PLCXD3: variants seen among roughly 807,000 people sequenced by gnomAD.
PLCXD3 encodes phosphatidylinositol specific phospholipase C X domain containing 3.
PLCXD3 carries 19 observed loss-of-function variants against 25.5 expected under a neutral mutation model. The observed-to-expected ratio is 0.75, with a 90% CI of 0.52 to 1.09. PLCXD3 has a LOEUF of 1.09. Ranked by LOEUF, PLCXD3 falls within the 50% of genes least tolerant of loss-of-function variation. PLCXD3 has a pLI of 0.00. For synonymous variants in PLCXD3, 174 were observed against 137.6 expected, an observed-to-expected ratio of 1.26 and a Z score of -1.85; for missense variants, 411 against 388.1, an observed-to-expected ratio of 1.06 and a Z score of -0.50.
At chr5:41,446,043 C>T (rs932151693) in intron 1 of PLCXD3, among the ~76,000 whole-genome samples, 1 of 151,508 alleles carries the variant, frequency 6.6e-6, no homozygotes, top group Admixed American at 6.6e-5. Context: ...AAAAAATTAG[C>T]TGGGCGTAGT....
At chr5:41,447,962 A>G (rs1445997457) in intron 1 of PLCXD3, among the ~76,000 whole-genome samples, 1 of 152,240 alleles carries the variant, frequency 6.6e-6, no homozygotes, top group Non-Finnish European at 1.5e-5. Context: ...GCAATATAAC[A>G]GTACAAATGC....
chr5:41,407,370 T>C (rs1366992774), intron 1 of PLCXD3, among the ~76,000 whole-genome samples: 1 of 152,198 alleles, frequency 6.6e-6, no homozygotes, highest in East Asian at 1.9e-4. Flanking sequence ...GAATACATGA[T>C]GATCAACATG....
chr5:41,503,708 T>G (rs1332866841), intron 1 of PLCXD3, among the ~76,000 whole-genome samples: 1 of 152,150 alleles, frequency 6.6e-6, no homozygotes, highest in East Asian at 1.9e-4. Context: ...ATATATGATA[T>G]AGACAATTTT....
In PLCXD3 at chr5:41,309,026, A is replaced by G. The variant is rs966238082; in HGVS notation, c.*4591T>C. 6.6e-6 allele frequency: 1 copy of G among 152,594 alleles called. No homozygotes were observed. Among genetic ancestry groups the G allele is most frequent in the African/African-American group, 2.4e-5 (1 of 41,450 alleles). 9.5% of individuals were successfully genotyped at this position (152,594 alleles called of 1,614,324 possible). On this transcript the variant is annotated 3_prime_UTR_variant, in exon 3 of 3. Transcript: ENST00000377801. The stretch of plus-strand genomic sequence containing the variant: ...TTCAATTTTAAATCCAAATTGCAAA[A>G]ACAACAAAAAAGTGTTAATAAATTA...
intron 1 of PLCXD3, among the ~76,000 whole-genome samples, chr5:41,416,542 G>A (rs1046426490): frequency 1.3e-5 from 2 of 152,120 alleles, no homozygotes; most frequent in Non-Finnish European, 2.9e-5. Context: ...TAGTGCCCAG[G>A]GCCAAGTGAG....
intron 1 of PLCXD3, among the ~76,000 whole-genome samples, chr5:41,461,761 A>T (rs1747879494): frequency 6.6e-6 from 1 of 151,988 alleles, no homozygotes; most frequent in Non-Finnish European, 1.5e-5. Flanking sequence ...GTAGCAGCAG[A>T]CCAAAGCAGT....
chr5:41,412,636 G>A (rs992711), intron 1 of PLCXD3, among the ~76,000 whole-genome samples: 5,862 of 152,080 alleles, frequency 0.039, 385 homozygotes, highest in African/African-American at 0.14. Flanking sequence ...GCACCCCTCC[G>A]CCTCAGAAAA....
At chr5:41,434,778 T>G (rs1032569618) in intron 1 of PLCXD3, among the ~76,000 whole-genome samples, 1 of 152,096 alleles carries the variant, frequency 6.6e-6, no homozygotes, top group African/African-American at 2.4e-5. Context: ...AAGACTTGGG[T>G]GCAAGTGAGC....
intron 1 of PLCXD3, among the ~76,000 whole-genome samples, chr5:41,425,529 T>C (rs1362798708): frequency 6.6e-6 from 1 of 152,194 alleles, no homozygotes; most frequent in Non-Finnish European, 1.5e-5. Context: ...CTTTGTATTA[T>C]ACATTCTATG....
intron 2 of PLCXD3, among the ~76,000 whole-genome samples, chr5:41,332,939 T>G (rs888968769): frequency 3.3e-5 from 5 of 152,132 alleles, no homozygotes; most frequent in South Asian, 2.1e-4. Context: ...CTCTGGGGAC[T>G]GTTGTGGGGT....
chr5:41,408,741 G>A (rs555227738), intron 1 of PLCXD3, among the ~76,000 whole-genome samples: 95 of 152,166 alleles, frequency 6.2e-4, no homozygotes, highest in African/African-American at 2.0e-3. Context: ...ATACGGTGTC[G>A]CATAAGTAAG....
chr5:41,505,592 G>A (rs973189047), intron 1 of PLCXD3, among the ~76,000 whole-genome samples: 1 of 152,152 alleles, frequency 6.6e-6, no homozygotes, highest in African/African-American at 2.4e-5. Context: ...TGACTTAAAT[G>A]GACAAAGAAC....
intron 1 of PLCXD3, among the ~76,000 whole-genome samples, chr5:41,510,121 G>A (rs1739007603): frequency 6.6e-6 from 1 of 152,144 alleles, no homozygotes; most frequent in Admixed American, 6.5e-5. Flanking sequence ...ATAGGAGGGG[G>A]TCACGAGGCA....
intron 1 of PLCXD3, among the ~76,000 whole-genome samples, chr5:41,400,343 A>G (rs1455877099): frequency 6.6e-6 from 1 of 152,104 alleles, no homozygotes. Context: ...CTGGGTATAT[A>G]CCCAAAAAAA....
At chr5:41,500,564 G>A (rs1217180415) in intron 1 of PLCXD3, among the ~76,000 whole-genome samples, 1 of 150,318 alleles carries the variant, frequency 6.7e-6, no homozygotes, top group Non-Finnish European at 1.5e-5. Flanking sequence ...TATATTATAT[G>A]CACACACACA....
chr5:41,331,988 C>T (rs943738784), intron 2 of PLCXD3, among the ~76,000 whole-genome samples: 2 of 152,284 alleles, frequency 1.3e-5, no homozygotes, highest in East Asian at 1.9e-4. Context: ...ACCTTAAAAA[C>T]CCTAGAAGAA....
At chr5:41,378,710 C>A (rs961425064) in intron 2 of PLCXD3, among the ~76,000 whole-genome samples, 2 of 152,060 alleles carry the variant, frequency 1.3e-5, no homozygotes, top group Non-Finnish European at 2.9e-5. Flanking sequence ...ATTCCTTAGG[C>A]ATTTTACATG....
At chr5:41,505,581 G>A (rs771941103) in intron 1 of PLCXD3, among the ~76,000 whole-genome samples, 3 of 152,180 alleles carry the variant, frequency 2.0e-5, no homozygotes, top group Non-Finnish European at 4.4e-5. Context: ...ACCACAAAGA[G>A]TGACTTAAAT....
At chr5:41,378,707 A>G (rs1745367856) in intron 2 of PLCXD3, among the ~76,000 whole-genome samples, 3 of 152,110 alleles carry the variant, frequency 2.0e-5, no homozygotes. Flanking sequence ...AATATTCCTT[A>G]GGCATTTTAC....
Sources: allele counts gnomAD v4.1 joint callset (sites outside exome capture counted in the v4.1 genomes callset), GRCh38; gene constraint gnomAD v4.1.1; transcripts MANE v1.5; gene names NCBI Gene and HGNC (gene_info 2026-07-23, HGNC 2026-07-21).